KIAA1614: variants seen among roughly 807,000 people sequenced by gnomAD.
KIAA1614 encodes KIAA1614, also known as uncharacterized protein KIAA1614.
A neutral mutation model predicts 88.7 loss-of-function variants in KIAA1614; 76 were observed. The ratio of observed to expected loss-of-function variants is 0.86; its 90% CI spans 0.71 to 1.04. The LOEUF (loss-of-function observed/expected upper bound fraction) is 1.04. Among genes scored for constraint, KIAA1614 ranks in the 50% least tolerant of loss-of-function variants. KIAA1614 has a pLI of 0.00. For synonymous variants in KIAA1614, 714 were observed against 675.5 expected (o/e 1.06, Z -0.88); for missense variants, 1,553 against 1,582.5 (o/e 0.98, Z 0.32).
In KIAA1614 at chr1:180,935,107, T is replaced by TG; in HGVS notation, c.1206-8_1206-7insG. On this transcript the variant is annotated splice_region_variant and splice_polypyrimidine_tract_variant and intron_variant, in intron 4 of 8. Coordinates refer to ENST00000367588, the MANE Select transcript of KIAA1614 (RefSeq NM_020950.2). This position sits in a 1 kb window ranked among gnomAD's most constrained non-coding sequence, Gnocchi z 6.1. Reference sequence around the variant, plus strand: ...CCCTTGACCTCTCTCCTCCTGTCTCTTCATCAGAGATGGCCACAGAAGCCC... The same window carrying TG: ...CCCTTGACCTCTCTCCTCCTGTCTCTGTCATCAGAGATGGCCACAGAAGCCC... 7.0e-7 allele frequency: 1 copy of TG among 1,418,812 alleles called. No homozygotes were observed. The highest frequency in any genetic ancestry group is 9.2e-7 in the Non-Finnish European group (1 of 1,085,342). 87.9% of individuals were successfully genotyped at this position (1,418,812 alleles called of 1,614,324 possible). A position where few individuals can be genotyped will look rare whatever the true frequency, so the allele number is the denominator to read the frequency against.
chr1:180,928,891 G>A (rs1041352852), intron 4 of KIAA1614, among the ~76,000 whole-genome samples: 16 of 152,236 alleles, frequency 1.1e-4, no homozygotes, highest in African/African-American at 3.4e-4. Context: ...GAGGAAAAGT[G>A]TGTGTGCTGA....
Position 180,936,948 on chromosome 1 carries a change from G to A in KIAA1614, c.2761+278G>A, listed in dbSNP as rs189115638. The stretch of plus-strand genomic sequence containing the variant: ...GAACCATGGGGAAGGTGGTGGAGAC[G>A]TCCTCTTCCTGTTGGGAACCCTGAG... On this transcript the variant is annotated intron_variant, in intron 5 of 8. Coordinates refer to ENST00000367588, the MANE Select transcript of KIAA1614 (RefSeq NM_020950.2). 2.9e-3 allele frequency among the ~76,000 whole-genome samples: 446 copies of A among 152,262 alleles called. 7 individuals carry two copies. Among genetic ancestry groups the A allele is most frequent in the Non-Finnish European group, 3.1e-3 (208 of 68,012 alleles).
intron 3 of KIAA1614, among the ~76,000 whole-genome samples, chr1:180,923,948 A>G (rs1461167866): frequency 7.4e-6 from 1 of 134,858 alleles, no homozygotes; most frequent in Non-Finnish European, 1.6e-5. Flanking sequence ...CCCCCTTACC[A>G]CTCCCAGCCC....
chr1:180,928,249 C>T (rs769130964), intron 3 of KIAA1614, 181 bp from the exon 4 acceptor site: 103 of 698,888 alleles, frequency 1.5e-4, no homozygotes, highest in Middle Eastern at 3.8e-4. Context: ...TTCCCAGCCC[C>T]AGGCCCCAGG....
At chr1:180,944,651 T>G (rs546132700) in intron 8 of KIAA1614, 135 bp downstream of exon 8, 1 of 1,001,846 alleles carries the variant, frequency 1.0e-6, no homozygotes, top group Non-Finnish European at 1.4e-6. Flanking sequence ...ACATGTGATG[T>G]GTGGAGACGA....
chr1:180,927,011 A>C (rs1315616064), intron 3 of KIAA1614, among the ~76,000 whole-genome samples: 3 of 152,188 alleles, frequency 2.0e-5, no homozygotes, highest in Non-Finnish European at 4.4e-5. Flanking sequence ...AGCAGCCCCA[A>C]AACAGGGTTG....
chr1:180,934,372 T>C (rs1389999295), intron 4 of KIAA1614, among the ~76,000 whole-genome samples: 3 of 152,094 alleles, frequency 2.0e-5, no homozygotes, highest in Non-Finnish European at 4.4e-5. Context: ...GAGGATCACT[T>C]GCGCCCAGGA....
intron 1 of KIAA1614, among the ~76,000 whole-genome samples, chr1:180,914,334 G>A (rs1052970291): frequency 6.6e-6 from 1 of 152,202 alleles, no homozygotes; most frequent in Non-Finnish European, 1.5e-5. Context: ...TCTGTGCAGC[G>A]CTGACAAGCC....
intron 6 of KIAA1614, among the ~76,000 whole-genome samples, chr1:180,940,019 G>A (rs1239801800): frequency 6.6e-6 from 1 of 152,220 alleles, no homozygotes; most frequent in African/African-American, 2.4e-5. Context: ...CCTCTTCTCA[G>A]AGAGACCTTC....
At chr1:180,938,756 TG>T (rs1344053915) in intron 6 of KIAA1614, 45 bp downstream of exon 6, 1 of 1,592,914 alleles carries the variant, frequency 6.3e-7, no homozygotes, top group Non-Finnish European at 8.6e-7. Flanking sequence ...GAGGTGGGAA[TG>T]GGGGCTCTGG....
Position 180,917,924 on chromosome 1 carries a change from C to T in KIAA1614, c.1061+10C>T. On this transcript the variant is annotated intron_variant, in intron 3 of 8. Coordinates refer to ENST00000367588, the MANE Select transcript of KIAA1614 (RefSeq NM_020950.2). ...ACTCCGGCCAGAACAGGTAAGAGCT[C>T]AGAGCCCACATTTTCTCTCCCTCCC... 6.2e-7 allele frequency: 1 copy of T among 1,612,128 alleles called. No individual in the cohort carries two copies. Among genetic ancestry groups the T allele is most frequent in the Non-Finnish European group, 8.5e-7 (1 of 1,178,468 alleles).
At chr1:180,914,870 C>G (rs1265669320) in intron 1 of KIAA1614, among the ~76,000 whole-genome samples, 1 of 152,216 alleles carries the variant, frequency 6.6e-6, no homozygotes, top group Non-Finnish European at 1.5e-5. Flanking sequence ...TCCTGAGTAG[C>G]TGGGACTACA....
At position 180,950,411 on chromosome 1, in the gene KIAA1614, G is replaced by T. The variant is rs1481662433; in HGVS notation, c.*4823G>T. 1.6e-6 allele frequency: 2 copies of T among 1,227,992 alleles called. No homozygotes were observed. Among genetic ancestry groups the T allele is most frequent in the South Asian group, 2.7e-5 (2 of 73,418 alleles). The allele number at this position is 1,227,992 out of a possible 1,614,324, so 76.1% of individuals were successfully genotyped here. The stretch of plus-strand genomic sequence containing the variant: ...CTCAGGGCTGCTGGGGGTGGGCGAT[G>T]AGATCCTCGAGGTGAACGGGGCCAA... On this transcript the variant is annotated 3_prime_UTR_variant, in exon 9 of 9. Transcript: ENST00000367588.
In KIAA1614 at chr1:180,938,542, G is replaced by C; in HGVS notation, c.2762-13G>C. ...GCCGGTCTGACTCAGGTGGGATGCTGTGCTTGTTTCAGGAGGACCCCAGGG... is the reference window on the plus strand; with the variant it reads ...GCCGGTCTGACTCAGGTGGGATGCTCTGCTTGTTTCAGGAGGACCCCAGGG... On this transcript the variant is annotated splice_polypyrimidine_tract_variant and intron_variant, in intron 5 of 8. Coordinates refer to ENST00000367588, the MANE Select transcript of KIAA1614 (RefSeq NM_020950.2). 1.2e-6 allele frequency: 2 copies of C among 1,613,344 alleles called. No individual in the cohort carries two copies. Among genetic ancestry groups the C allele is most frequent in the South Asian group, 2.2e-5 (2 of 90,950 alleles).
At position 180,913,067 on chromosome 1, in the gene KIAA1614, C is replaced by T. The variant is rs965715396; in HGVS notation, c.-177C>T. On this transcript the variant is annotated 5_prime_UTR_variant, in exon 1 of 9. Coordinates refer to ENST00000367588, the MANE Select transcript of KIAA1614 (RefSeq NM_020950.2). ...GGGGCCCGGGGGCTGCCAGCAGAGC[C>T]GGGAGCTGGCCCGGCCTCGGCGCCG... The T allele has an allele frequency of 2.0e-5, 7 of 357,742 alleles. No homozygotes were observed. The highest frequency in any genetic ancestry group is 2.2e-5 in the African/African-American group (1 of 46,426). 22.2% of individuals were successfully genotyped at this position (357,742 alleles called of 1,614,324 possible). A position where few individuals can be genotyped will look rare whatever the true frequency, so the allele number is the denominator to read the frequency against.
In KIAA1614 at chr1:180,935,577, C is replaced by G; in HGVS notation, c.1668C>G (p.Val556=). 6.2e-7 allele frequency: 1 copy of G among 1,608,198 alleles called. No individual in the cohort carries two copies. The highest frequency in any genetic ancestry group is 1.1e-5 in the South Asian group (1 of 90,516). The change falls in exon 5 of 9, where the codon GTC becomes GTG. Residue 556 remains valine, a synonymous_variant. Transcript: ENST00000367588. The surrounding 1 kb of genome is among the most constrained non-coding windows in gnomAD (Gnocchi z 6.1). ...PRPAQGKAPP[V]PRTLQELQAA... The stretch of plus-strand genomic sequence containing the variant: ...CCGCCCAGGGGAAGGCGCCCCCCGT[C>G]CCCAGGACCCTCCAGGAGCTCCAGG...
chr1:180,926,458 G>A (rs2102262800), intron 3 of KIAA1614, among the ~76,000 whole-genome samples: 1 of 128,378 alleles, frequency 7.8e-6, no homozygotes, highest in South Asian at 2.6e-4. Context: ...AGGAACTGAA[G>A]CAAGACAGCT....
intron 3 of KIAA1614, among the ~76,000 whole-genome samples, chr1:180,926,474 GAAAAAA>G (rs60582450): frequency 7.9e-6 from 1 of 126,894 alleles, no homozygotes; most frequent in Non-Finnish European, 1.7e-5. Flanking sequence ...CAGCTGATGA[GAAAAAA>G]AAAAAAAAAA....
In KIAA1614 at chr1:180,916,601, C is replaced by T; in HGVS notation, c.498C>T (p.Gly166=). 1 of 1,603,478 alleles carries T rather than the reference C, an allele frequency of 6.2e-7. No homozygotes were observed. Residue 166 remains glycine, a synonymous_variant, in exon 2 of 9, where the codon GGC becomes GGT. Transcript: ENST00000367588. ...INEEQPARDG[G]PRLPRPPAPG... ...AGGAGCAACCCGCCAGGGATGGAGG[C>T]CCCAGGCTTCCCAGGCCGCCTGCCC... is the stretch of plus-strand genomic sequence containing the variant.
Sources: gnomAD v4.1 joint callset for allele counts (sites outside exome capture counted in the v4.1 genomes callset) on GRCh38, gnomAD v4.1.1 for gene constraint, Gnocchi (gnomAD v3.1) non-coding constraint, MANE v1.5 for transcripts, NCBI Gene and HGNC (gene_info 2026-07-23, HGNC 2026-07-21) for gene names.